The following DCAF6 variants were observed in gnomAD, a reference collection of about 807,000 sequenced individuals.
DCAF6 encodes the protein DDB1 and CUL4 associated factor 6.
DCAF6 carries 54 observed loss-of-function variants against 125.1 expected under a neutral mutation model. The ratio of observed to expected loss-of-function variants is 0.43; its 90% CI spans 0.35 to 0.54. DCAF6 has a LOEUF of 0.54. Among genes scored for constraint, DCAF6 ranks in the 20% least tolerant of loss-of-function variants. DCAF6 has a pLI of 0.01. For missense variants in DCAF6, 934 were observed against 1,161.7 expected (o/e 0.80, Z 2.85); for synonymous variants, 371 against 390.4 (o/e 0.95, Z 0.58).
the DCAF6 span, among the ~76,000 whole-genome samples, chr1:167,881,506 G>A: frequency 1.3e-5 from 2 of 152,206 alleles, no homozygotes; most frequent in Non-Finnish European, 2.9e-5. Flanking sequence ...TTCTAGGTAC[G>A]TGCAAAGAGG....
the DCAF6 span, chr1:167,883,771 T>C: frequency 1.3e-6 from 1 of 764,090 alleles, no homozygotes; most frequent in Non-Finnish European, 2.3e-6. Flanking sequence ...CCAGCATGCC[T>C]GAAGTGGAGC....
intron 3 of DCAF6, chr1:167,969,107 A>G (rs920719390): frequency 1.3e-5 from 2 of 152,052 alleles, no homozygotes; most frequent in Admixed American, 1.3e-4. Context: ...TTTTCTTCAT[A>G]TATTAAGAAA....
intron 16 of DCAF6, among the ~76,000 whole-genome samples, chr1:168,047,614 ATTAT>A (rs1332201350): frequency 6.7e-6 from 1 of 150,292 alleles, no homozygotes; most frequent in African/African-American, 2.4e-5. Flanking sequence ...AAGAAACTTA[ATTAT>A]TTATGAATAA....
intron 3 of DCAF6, among the ~76,000 whole-genome samples, chr1:167,967,922 G>C (rs187282857): frequency 1.3e-5 from 2 of 151,822 alleles, no homozygotes; most frequent in Non-Finnish European, 2.9e-5. Context: ...GTAGAGACAG[G>C]GTTTCACCAT....
At chr1:168,022,469 AT>A in intron 11 of DCAF6, among the ~76,000 whole-genome samples, 1 of 152,190 alleles carries the variant, frequency 6.6e-6, no homozygotes, top group East Asian at 1.9e-4. Context: ...TGTAATGATA[AT>A]TACCTCATTG....
intron 10 of DCAF6, among the ~76,000 whole-genome samples, chr1:168,011,635 AGGTCT>A (rs1404441607): frequency 1.3e-5 from 2 of 152,196 alleles, no homozygotes; most frequent in African/African-American, 4.8e-5. Context: ...AATGGGATAA[AGGTCT>A]AGTCTAGTCT....
chr1:168,006,826 T>G (rs967159936), intron 10 of DCAF6, among the ~76,000 whole-genome samples: 1 of 152,224 alleles, frequency 6.6e-6, no homozygotes, highest in Non-Finnish European at 1.5e-5. Flanking sequence ...TCCCTCATTT[T>G]TACTGATATC....
chr1:167,957,097 A>T (rs1446963194), intron 2 of DCAF6, among the ~76,000 whole-genome samples: 4 of 147,452 alleles, frequency 2.7e-5, no homozygotes. Context: ...ATAAGTGGAC[A>T]TTTATTTTTT....
chr1:168,052,286 G>GT (rs1690041354), intron 17 of DCAF6, among the ~76,000 whole-genome samples: 1 of 152,162 alleles, frequency 6.6e-6, no homozygotes, highest in South Asian at 2.1e-4. Context: ...CGCAAAGCTG[G>GT]TTTCTGGTTT....
intron 10 of DCAF6, among the ~76,000 whole-genome samples, chr1:168,009,412 T>C (rs1683914757): frequency 7.4e-6 from 1 of 135,584 alleles, no homozygotes; most frequent in Non-Finnish European, 1.6e-5. Flanking sequence ...TCTCTCTCTC[T>C]CTTTTGTTTC....
At chr1:167,992,909 A>C (rs574478407) in intron 6 of DCAF6, among the ~76,000 whole-genome samples, 1 of 152,228 alleles carries the variant, frequency 6.6e-6, no homozygotes, top group Non-Finnish European at 1.5e-5. Context: ...TTTGGGGGGA[A>C]CTTTTGGAAG....
chr1:167,891,137 T>A, the DCAF6 span, among the ~76,000 whole-genome samples: 1 of 151,998 alleles, frequency 6.6e-6, no homozygotes, highest in East Asian at 2.0e-4. Flanking sequence ...AATTTTTGTA[T>A]TTTTAGTAGA....
intron 12 of DCAF6, among the ~76,000 whole-genome samples, chr1:168,029,532 T>G (rs1686779385): frequency 6.6e-6 from 1 of 152,202 alleles, no homozygotes; most frequent in Non-Finnish European, 1.5e-5. Flanking sequence ...AACAACAACA[T>G]AAGACACTTA....
intron 7 of DCAF6, among the ~76,000 whole-genome samples, chr1:167,994,431 A>G (rs986274000): frequency 2.6e-5 from 4 of 152,158 alleles, no homozygotes; most frequent in Non-Finnish European, 5.9e-5. Flanking sequence ...TTTACTCTTC[A>G]TATATGGACA....
the DCAF6 span, chr1:167,901,929 C>T: frequency 6.2e-7 from 1 of 1,606,252 alleles, no homozygotes; most frequent in Non-Finnish European, 8.5e-7. Context: ...ACTCCCTTCT[C>T]TAGGATGCCT....
intron 17 of DCAF6, among the ~76,000 whole-genome samples, chr1:168,052,026 G>A: frequency 6.6e-6 from 1 of 151,754 alleles, no homozygotes; most frequent in South Asian, 2.1e-4. Flanking sequence ...GATTACAGGC[G>A]CCCACCCACC....
At chr1:168,046,909 ATTAAAT>A (rs1372681479) in intron 16 of DCAF6, among the ~76,000 whole-genome samples, 3 of 152,110 alleles carry the variant, frequency 2.0e-5, no homozygotes, top group African/African-American at 7.2e-5. Flanking sequence ...ATAATTGAAA[ATTAAAT>A]TTAAGTGCCC....
chr1:167,870,360 T>C, the DCAF6 span: 2 of 1,613,484 alleles, frequency 1.2e-6, no homozygotes, highest in Non-Finnish European at 1.7e-6. Context: ...CTGTTAGATA[T>C]CAAAAATTTC....
At chr1:167,984,404 T>C (rs1679645156) in intron 4 of DCAF6, among the ~76,000 whole-genome samples, 1 of 152,210 alleles carries the variant, frequency 6.6e-6, no homozygotes, top group South Asian at 2.1e-4. Context: ...AATTTTATAA[T>C]AGTGTGAGTA....
Sources: gnomAD v4.1 joint callset for allele counts (sites outside exome capture counted in the v4.1 genomes callset) on GRCh38, gnomAD v4.1.1 for gene constraint, MANE v1.5 for transcripts, NCBI Gene and HGNC (gene_info 2026-07-23, HGNC 2026-07-21) for gene names.